Variants in PRKG1 observed in about 807,000 individuals in gnomAD.
PRKG1 encodes the protein cGMP-dependent protein kinase 1.
PRKG1 carries 35 observed loss-of-function variants against 88.1 expected under a neutral mutation model. The observed-to-expected ratio is 0.40, with a 90% CI of 0.30 to 0.53. The LOEUF (loss-of-function observed/expected upper bound fraction) is 0.53, where lower values mean the gene tolerates loss of function less well. Among genes scored for constraint, PRKG1 ranks in the 20% least tolerant of loss-of-function variants. The pLI is 0.59. For synonymous variants in PRKG1, 303 were observed against 292.5 expected, an observed-to-expected ratio of 1.04 and a Z score of -0.37; for missense variants, 540 against 839.8, an observed-to-expected ratio of 0.64 and a Z score of 4.41.
chr10:51,965,265 T>A (rs534285766), intron 5 of PRKG1, among the ~76,000 whole-genome samples: 1 of 152,282 alleles, frequency 6.6e-6, no homozygotes, highest in East Asian at 1.9e-4. Context: ...CCCAGTTGTG[T>A]GTAGTTCCTC....
intron 5 of PRKG1, among the ~76,000 whole-genome samples, chr10:52,019,099 C>T (rs760558690): frequency 1.4e-4 from 21 of 152,034 alleles, no homozygotes; most frequent in South Asian, 2.1e-4. Context: ...TGTGCAAAGG[C>T]GTAGGGGGAG....
chr10:51,668,994 A>G (rs529246424), intron 3 of PRKG1, among the ~76,000 whole-genome samples: 1 of 152,256 alleles, frequency 6.6e-6, no homozygotes, highest in South Asian at 2.1e-4. Flanking sequence ...GTTATACCTA[A>G]TGTATATGTA....
At chr10:51,965,915 C>G (rs1182510000) in intron 5 of PRKG1, among the ~76,000 whole-genome samples, 1 of 152,060 alleles carries the variant, frequency 6.6e-6, no homozygotes, top group South Asian at 2.1e-4. Context: ...AGATTGCAGT[C>G]AGTTCTGTGA....
intron 2 of PRKG1, among the ~76,000 whole-genome samples, chr10:51,181,337 G>A (rs1350809672): frequency 2.1e-5 from 3 of 146,312 alleles, no homozygotes; most frequent in Admixed American, 6.9e-5. Context: ...CGCTTCCCGG[G>A]TTCACGCCAT....
In PRKG1 at chr10:52,294,168, G is replaced by C. The variant is rs758460721; in HGVS notation, c.*268G>C. 5.5e-4 allele frequency: 191 copies of C among 349,430 alleles called. 2 individuals carry two copies. Among genetic ancestry groups the C allele is most frequent in the Non-Finnish European group, 1.3e-4 (25 of 191,878 alleles). 21.6% of individuals were successfully genotyped at this position (349,430 alleles called of 1,614,324 possible). A position where few individuals can be genotyped will look rare whatever the true frequency, so the allele number is the denominator to read the frequency against. On this transcript the variant is annotated 3_prime_UTR_variant, in exon 18 of 18. Transcript: ENST00000373980. Reference sequence around the variant, plus strand: ...TCACCAGTAAAAGATGTTTTCTATTGTTGCAATGACCTTGCTTTGCTCTGA... The same window carrying C: ...TCACCAGTAAAAGATGTTTTCTATTCTTGCAATGACCTTGCTTTGCTCTGA...
At chr10:52,069,710 AT>A (rs1846448330) in intron 7 of PRKG1, among the ~76,000 whole-genome samples, 1 of 152,022 alleles carries the variant, frequency 6.6e-6, no homozygotes, top group South Asian at 2.1e-4. Flanking sequence ...CTCCTTCCCA[AT>A]ATCACCATTC....
chr10:51,807,561 A>G (rs1839339142), intron 4 of PRKG1, among the ~76,000 whole-genome samples: 1 of 152,182 alleles, frequency 6.6e-6, no homozygotes, highest in East Asian at 1.9e-4. Context: ...TTTAATGAGA[A>G]TGGGCAGTGA....
At position 51,242,425 on chromosome 10, in the gene PRKG1, A is replaced by G. The variant is rs532918048; in HGVS notation, c.478+89095A>G. Among the ~76,000 whole-genome samples the G allele has an allele frequency of 7.9e-5, 12 of 152,332 alleles. No individual in the cohort carries two copies. The East Asian group carries it at 2.3e-3, about 29-fold the overall frequency. ...TGGATAGGGTATAATACTAGTGAGA[A>G]GAAGCTGAAGCCCAAAGATATGAGG... On this transcript the variant is annotated intron_variant, in intron 2 of 17. Transcript: ENST00000373980.
At chr10:51,622,103 A>G (rs1839225096) in intron 3 of PRKG1, among the ~76,000 whole-genome samples, 1 of 152,208 alleles carries the variant, frequency 6.6e-6, no homozygotes, top group Non-Finnish European at 1.5e-5. Flanking sequence ...GTGTAAATCA[A>G]TACTTTCAGG....
chr10:51,612,325 A>T (rs1011576450), intron 3 of PRKG1, among the ~76,000 whole-genome samples: 9 of 151,764 alleles, frequency 5.9e-5, no homozygotes, highest in African/African-American at 1.9e-4. Context: ...AGTGTTTTGT[A>T]ATTTTTCTTA....
intron 3 of PRKG1, among the ~76,000 whole-genome samples, chr10:51,683,960 G>C (rs1472598870): frequency 6.6e-6 from 1 of 152,142 alleles, no homozygotes; most frequent in Non-Finnish European, 1.5e-5. Flanking sequence ...TGGTCGTTTT[G>C]GAAAACAGTC....
At chr10:51,571,670 G>A (rs1837756624) in intron 3 of PRKG1, among the ~76,000 whole-genome samples, 1 of 151,844 alleles carries the variant, frequency 6.6e-6, no homozygotes, top group Admixed American at 6.6e-5. Flanking sequence ...TACTGATATG[G>A]CAGATTTCTG....
intron 8 of PRKG1, among the ~76,000 whole-genome samples, chr10:52,156,862 A>C (rs1838120967): frequency 6.6e-6 from 1 of 151,670 alleles, no homozygotes; most frequent in South Asian, 2.1e-4. Context: ...TTTTTTAAAA[A>C]GATTTAGATG....
intron 3 of PRKG1, among the ~76,000 whole-genome samples, chr10:51,617,593 C>A (rs1338695399): frequency 1.3e-5 from 2 of 152,148 alleles, no homozygotes; most frequent in Admixed American, 1.3e-4. Flanking sequence ...TTTACAATTG[C>A]CTACAGTATT....
intron 4 of PRKG1, among the ~76,000 whole-genome samples, chr10:51,851,526 G>A (rs1222786032): frequency 6.6e-6 from 1 of 152,170 alleles, no homozygotes; most frequent in African/African-American, 2.4e-5. Context: ...GCCTATGGAG[G>A]TGATGGGCCA....
intron 7 of PRKG1, among the ~76,000 whole-genome samples, chr10:52,066,067 A>G (rs370927525): frequency 1.2e-4 from 18 of 152,134 alleles, no homozygotes; most frequent in East Asian, 7.7e-4. Flanking sequence ...CTTTCTCGCT[A>G]TGGAACCTGG....
chr10:52,158,859 A>G (rs1838198077), intron 8 of PRKG1, among the ~76,000 whole-genome samples: 2 of 151,516 alleles, frequency 1.3e-5, no homozygotes, highest in African/African-American at 4.8e-5. Flanking sequence ...AATATAGAGT[A>G]TGAATAAAGA....
intron 3 of PRKG1, among the ~76,000 whole-genome samples, chr10:51,753,776 A>G (rs1356452097): frequency 6.6e-6 from 1 of 152,204 alleles, no homozygotes; most frequent in East Asian, 1.9e-4. Context: ...ATGGTCTTAA[A>G]ATATGAACTG....
chr10:51,458,492 A>G (rs1340451151), intron 2 of PRKG1, among the ~76,000 whole-genome samples: 1 of 151,346 alleles, frequency 6.6e-6, no homozygotes, highest in Non-Finnish European at 1.5e-5. Context: ...CGATTAGTTT[A>G]TGCTAATATT....
Sources: gnomAD v4.1 joint callset for allele counts (sites outside exome capture counted in the v4.1 genomes callset) on GRCh38, gnomAD v4.1.1 for gene constraint, MANE v1.5 for transcripts, NCBI Gene and HGNC (gene_info 2026-07-23, HGNC 2026-07-21) for gene names.